Variants in HSF2BP observed in about 807,000 individuals in gnomAD.
The protein encoded by HSF2BP is heat shock transcription factor 2 binding protein.
Under a neutral mutation model 35.0 loss-of-function variants are expected in HSF2BP, and 35 were observed. That is an observed-to-expected ratio of 1.00 (90% CI 0.76 to 1.32). The LOEUF (loss-of-function observed/expected upper bound fraction) is 1.32, where lower values mean the gene tolerates loss of function less well. Among genes scored for constraint, HSF2BP ranks in the 40% most tolerant of loss-of-function variants. HSF2BP has a pLI of 0.00. For missense variants in HSF2BP, 326 were observed against 321.7 expected, an observed-to-expected ratio of 1.01 and a Z score of -0.10; for synonymous variants, 114 against 117.4, an observed-to-expected ratio of 0.97 and a Z score of 0.18.
intron 7 of HSF2BP, among the ~76,000 whole-genome samples, chr21:43,605,760 C>T (rs2082127885): frequency 6.6e-6 from 1 of 151,406 alleles, no homozygotes; most frequent in Non-Finnish European, 1.5e-5. Flanking sequence ...CATATATACA[C>T]ACACACCACA....
the HSF2BP span, among the ~76,000 whole-genome samples, chr21:43,507,173 A>G: frequency 1.5e-5 from 2 of 129,726 alleles, no homozygotes; most frequent in African/African-American, 5.5e-5. Context: ...AAATTAAAGA[A>G]CGTGTAAGCA....
At chr21:43,612,487 T>G (rs1387924487) in intron 7 of HSF2BP, among the ~76,000 whole-genome samples, 1 of 151,914 alleles carries the variant, frequency 6.6e-6, no homozygotes, top group Non-Finnish European at 1.5e-5. Flanking sequence ...CCGTCTCTAC[T>G]AAAAATACAA....
chr21:43,619,073 G>C (rs2082303662), intron 6 of HSF2BP, among the ~76,000 whole-genome samples: 1 of 152,148 alleles, frequency 6.6e-6, no homozygotes, highest in African/African-American at 2.4e-5. Context: ...TCAACCTCCT[G>C]AGTAGCTGGG....
intron 6 of HSF2BP, among the ~76,000 whole-genome samples, chr21:43,616,629 C>T (rs924720668): frequency 6.6e-6 from 1 of 151,886 alleles, no homozygotes; most frequent in African/African-American, 2.4e-5. Flanking sequence ...GGAGACAGAG[C>T]GAAACTCTGT....
At chr21:43,583,942 C>G (rs1425681195) in intron 8 of HSF2BP, among the ~76,000 whole-genome samples, 1 of 116,734 alleles carries the variant, frequency 8.6e-6, no homozygotes, top group Non-Finnish European at 1.7e-5. Context: ...GAGATGAAGA[C>G]CTGCTAAGGG....
chr21:43,654,356 G>C (rs570009397), intron 3 of HSF2BP, among the ~76,000 whole-genome samples: 1 of 152,220 alleles, frequency 6.6e-6, no homozygotes, highest in African/African-American at 2.4e-5. Context: ...GGGATTTCTA[G>C]AACAATGTTC....
chr21:43,648,045 T>C (rs1334898011), intron 3 of HSF2BP, among the ~76,000 whole-genome samples: 2 of 151,922 alleles, frequency 1.3e-5, no homozygotes, highest in African/African-American at 4.8e-5. Context: ...CACACATATA[T>C]GACATGAACA....
intron 5 of HSF2BP, 128 bp from the exon 6 acceptor site, chr21:43,630,582 A>G: frequency 8.3e-7 from 1 of 1,210,818 alleles, no homozygotes; most frequent in Non-Finnish European, 1.1e-6. Flanking sequence ...CCCTCATTAA[A>G]AGTTCCCATT....
At chr21:43,657,774 A>T (rs1348752943) in intron 2 of HSF2BP, 3 of 909,820 alleles carry the variant, frequency 3.3e-6, no homozygotes, top group Non-Finnish European at 3.9e-6. Context: ...CAGAGAAGAG[A>T]GTGACCATCC....
intron 3 of HSF2BP, among the ~76,000 whole-genome samples, chr21:43,652,021 T>C (rs1353891372): frequency 6.6e-6 from 1 of 152,170 alleles, no homozygotes; most frequent in Admixed American, 6.5e-5. Flanking sequence ...CAAACAAAAC[T>C]ATATCCACAC....
At chr21:43,580,998 G>A (rs2081720995) in intron 8 of HSF2BP, among the ~76,000 whole-genome samples, 1 of 152,216 alleles carries the variant, frequency 6.6e-6, no homozygotes, top group Non-Finnish European at 1.5e-5. Flanking sequence ...ATATCAGAAG[G>A]CAACTGGTGC....
At chr21:43,640,474 TGTG>T (rs745762779) in intron 4 of HSF2BP, among the ~76,000 whole-genome samples, 1 of 152,234 alleles carries the variant, frequency 6.6e-6, no homozygotes, top group African/African-American at 2.4e-5. Flanking sequence ...CAGTTCCAAG[TGTG>T]GTGGTGGTTA....
intron 7 of HSF2BP, among the ~76,000 whole-genome samples, chr21:43,595,726 A>ATTGTTTTTT (rs2081976681): frequency 1.7e-5 from 1 of 58,416 alleles, no homozygotes; most frequent in Non-Finnish European, 3.1e-5. Context: ...TAAGAGGCTA[A>ATTGTTTTTT]TTTTTTTTTT....
At chr21:43,628,667 A>G (rs1340422637) in intron 6 of HSF2BP, among the ~76,000 whole-genome samples, 7 of 152,372 alleles carry the variant, frequency 4.6e-5, no homozygotes, top group African/African-American at 1.7e-4. Context: ...AGAGATTTTC[A>G]ATGTAGACAA....
At chr21:43,633,212 T>G in intron 5 of HSF2BP, 60 bp downstream of exon 5, 1 of 1,543,250 alleles carries the variant, frequency 6.5e-7, no homozygotes, top group Non-Finnish European at 8.8e-7. Context: ...ATAAGCTATA[T>G]GCTCTAATTT....
chr21:43,632,444 CAT>C (rs1374911263), intron 5 of HSF2BP, among the ~76,000 whole-genome samples: 2 of 148,472 alleles, frequency 1.3e-5, no homozygotes, highest in East Asian at 2.0e-4. Context: ...GTCACACACA[CAT>C]GCACATGCTC....
chr21:43,587,677 A>AG (rs1258078477), intron 8 of HSF2BP, among the ~76,000 whole-genome samples: 1 of 151,280 alleles, frequency 6.6e-6, no homozygotes, highest in Non-Finnish European at 1.5e-5. Flanking sequence ...AAAAAAAAAA[A>AG]AAAAAAAAAG....
chr21:43,594,434 G>T (rs2838326), intron 7 of HSF2BP, among the ~76,000 whole-genome samples: 1 of 151,974 alleles, frequency 6.6e-6, no homozygotes, highest in South Asian at 2.1e-4. Context: ...AATCCAGGAT[G>T]TAAGTATTAG....
intron 4 of HSF2BP, 122 bp from the exon 5 acceptor site, chr21:43,633,543 T>C (rs2082512140): frequency 1.1e-6 from 1 of 950,120 alleles, no homozygotes; most frequent in African/African-American, 1.7e-5. Context: ...AGAAAATAGT[T>C]GCAAATGAAA....
Sources: allele counts gnomAD v4.1 joint callset (sites outside exome capture counted in the v4.1 genomes callset), GRCh38; gene constraint gnomAD v4.1.1; transcripts MANE v1.5; gene names NCBI Gene and HGNC (gene_info 2026-07-23, HGNC 2026-07-21).